The following NSDHL variants were observed in gnomAD, a reference collection of about 807,000 sequenced individuals.
NSDHL encodes NAD(P) dependent 3-beta-hydroxysteroid dehydrogenase NSDHL, also known as sterol-4-alpha-carboxylate 3-dehydrogenase, decarboxylating.
In NSDHL, 1 loss-of-function variant was observed where a neutral mutation model predicts 23.0. That is an observed-to-expected ratio of 0.04 (90% CI 0.02 to 0.21). The LOEUF (loss-of-function observed/expected upper bound fraction) is 0.21, where lower values mean the gene tolerates loss of function less well. NSDHL is among the 10% of genes least tolerant of loss of function. NSDHL has a pLI of 1.00. For missense variants in NSDHL, 237 were observed against 300.9 expected (o/e 0.79, Z 1.57); for synonymous variants, 128 against 121.1 (o/e 1.06, Z -0.37).
In NSDHL at chrX:152,865,979, G is replaced by A. The variant is rs782475904; in HGVS notation, c.686+18G>A. 1.4e-5 allele frequency: 17 copies of A among 1,210,136 alleles called. No homozygotes were observed. The highest frequency in any genetic ancestry group is 1.2e-4 in the South Asian group (7 of 57,027). On this transcript the variant is annotated intron_variant, in intron 6 of 7. Transcript: ENST00000370274. ...GTGATTGGGTGAGTCAGCCCACAGC[G>A]GCTCTTCCCTAGTCCTTCCTGGTCC...
chrX:152,837,917 G>A (rs1173752491), intron 1 of NSDHL, among the ~76,000 whole-genome samples: 4 of 111,458 alleles, frequency 3.6e-5, no homozygotes, highest in African/African-American at 6.5e-5. Context: ...CTGTGAATCC[G>A]TCCGGTCCTG....
intron 1 of NSDHL, among the ~76,000 whole-genome samples, chrX:152,844,794 C>T (rs929762836): frequency 8.9e-6 from 1 of 112,264 alleles, no homozygotes; most frequent in Non-Finnish European, 1.9e-5. Context: ...ATGTGAGTGC[C>T]CACTTTGTGC....
chrX:152,846,584 G>A (rs1040864452), intron 2 of NSDHL, 152 bp downstream of exon 2: 17 of 505,200 alleles, frequency 3.4e-5, no homozygotes, highest in Non-Finnish European at 5.8e-5. Context: ...TTATTGCTGT[G>A]TAACAATATC....
chrX:152,838,158 T>A (rs782168538), intron 1 of NSDHL, among the ~76,000 whole-genome samples: 1 of 112,217 alleles, frequency 8.9e-6, no homozygotes, highest in South Asian at 3.7e-4. Flanking sequence ...TATATCATTT[T>A]TTATTGTGTC....
intron 5 of NSDHL, among the ~76,000 whole-genome samples, chrX:152,862,981 G>A (rs1933550900): frequency 9.0e-6 from 1 of 110,978 alleles, no homozygotes; most frequent in Non-Finnish European, 1.9e-5. Context: ...GGCCAACATG[G>A]CGAAACCCCA....
intron 1 of NSDHL, among the ~76,000 whole-genome samples, chrX:152,840,372 G>A (rs1314259129): frequency 4.5e-5 from 5 of 112,344 alleles, no homozygotes; most frequent in Non-Finnish European, 9.4e-5. Context: ...ATCCTTTGGA[G>A]GAGAAGAGGC....
intron 3 of NSDHL, among the ~76,000 whole-genome samples, chrX:152,857,589 T>C (rs1933461663): frequency 1.8e-5 from 2 of 112,013 alleles, no homozygotes; most frequent in Non-Finnish European, 3.8e-5. Flanking sequence ...TTAAAAGAGA[T>C]GGAAGAGACC....
At chrX:152,847,281 C>A (rs190953712) in intron 2 of NSDHL, among the ~76,000 whole-genome samples, 9 of 111,991 alleles carry the variant, frequency 8.0e-5, no homozygotes, top group Non-Finnish European at 1.5e-4. Context: ...CCAGCCTGGG[C>A]GACAGAGCGA....
At chrX:152,858,682 C>A (rs781941725) in intron 3 of NSDHL, 88 bp from the exon 4 acceptor site, 3 of 821,536 alleles carry the variant, frequency 3.7e-6, no homozygotes, top group African/African-American at 4.1e-5. Context: ...AAGGAACCTA[C>A]AAGCCACAGG....
chrX:152,858,291 G>A (rs2125012649), intron 3 of NSDHL, among the ~76,000 whole-genome samples: 1 of 112,240 alleles, frequency 8.9e-6, no homozygotes, highest in African/African-American at 3.2e-5. Flanking sequence ...GTTCCTTTTA[G>A]CAGTAAATCA....
chrX:152,866,612 T>C (rs1385141025), intron 6 of NSDHL, among the ~76,000 whole-genome samples: 1 of 110,662 alleles, frequency 9.0e-6, no homozygotes, highest in Non-Finnish European at 1.9e-5. Flanking sequence ...TTCTGCTGGC[T>C]TCCAGCCATC....
chrX:152,865,751 C>A, intron 5 of NSDHL, 68 bp from the exon 6 acceptor site: 1 of 1,169,659 alleles, frequency 8.5e-7, no homozygotes, highest in South Asian at 1.8e-5. Flanking sequence ...TCTCACCCAG[C>A]GAGGCACTCT....
chrX:152,840,548 T>C (rs1256898838), intron 1 of NSDHL, among the ~76,000 whole-genome samples: 1 of 112,527 alleles, frequency 8.9e-6, no homozygotes, highest in Non-Finnish European at 1.9e-5. Context: ...GTTTTCCTTC[T>C]AACAGTCAGG....
chrX:152,852,286 A>G (rs1556846409), intron 3 of NSDHL, among the ~76,000 whole-genome samples: 3 of 111,748 alleles, frequency 2.7e-5, no homozygotes. Flanking sequence ...ATTGGTTTAC[A>G]TGATTGTGGG....
chrX:152,862,798 T>G (rs782818487), intron 5 of NSDHL, 74 bp downstream of exon 5: 1 of 1,048,647 alleles, frequency 9.5e-7, no homozygotes, highest in Non-Finnish European at 1.3e-6. Flanking sequence ...TATGAACTTA[T>G]GAAGTTTGTA....
At chrX:152,834,881 C>A (rs1273594224) in intron 1 of NSDHL, among the ~76,000 whole-genome samples, 1 of 112,908 alleles carries the variant, frequency 8.9e-6, no homozygotes, top group African/African-American at 3.2e-5. Flanking sequence ...CTGGCATTGT[C>A]TGCCCATGGA....
chrX:152,838,630 G>A (rs1933139923), intron 1 of NSDHL, among the ~76,000 whole-genome samples: 1 of 112,172 alleles, frequency 8.9e-6, no homozygotes, highest in Non-Finnish European at 1.9e-5. Context: ...TCTTAATCCT[G>A]AGTTCTAATT....
intron 1 of NSDHL, among the ~76,000 whole-genome samples, chrX:152,841,074 C>G (rs1556844809): frequency 8.8e-6 from 1 of 113,032 alleles, no homozygotes; most frequent in African/African-American, 3.2e-5. Context: ...GCTGCACTAG[C>G]AGTGAGCAAG....
intron 7 of NSDHL, among the ~76,000 whole-genome samples, chrX:152,868,111 T>C (rs1323629748): frequency 9.1e-6 from 1 of 110,000 alleles, no homozygotes; most frequent in African/African-American, 3.3e-5. Context: ...TTCAAATAAG[T>C]TGGGAATAGG....
Sources: gnomAD v4.1 joint callset for allele counts (sites outside exome capture counted in the v4.1 genomes callset) on GRCh38, gnomAD v4.1.1 for gene constraint, MANE v1.5 for transcripts, NCBI Gene and HGNC (gene_info 2026-07-23, HGNC 2026-07-21) for gene names.